PPP1R16B: variants seen among roughly 807,000 people sequenced by gnomAD.
The protein encoded by PPP1R16B is protein phosphatase 1 regulatory inhibitor subunit 16B.
Under a neutral mutation model 61.7 loss-of-function variants are expected in PPP1R16B, and 14 were observed. The observed-to-expected ratio is 0.23, with a 90% CI of 0.15 to 0.35. The LOEUF is 0.35. Among genes scored for constraint, PPP1R16B ranks in the 10% least tolerant of loss-of-function variants. The pLI, the probability that PPP1R16B is intolerant of heterozygous loss-of-function variation, is 1.00. For missense variants in PPP1R16B, 547 were observed against 752.5 expected (o/e 0.73, Z 3.19); for synonymous variants, 266 against 305.3 (o/e 0.87, Z 1.34).
At position 38,865,324 on chromosome 20, in the gene PPP1R16B, C is replaced by T. The variant is rs1221700160; in HGVS notation, c.251-24271C>T. 2.0e-5 allele frequency among the ~76,000 whole-genome samples: 3 copies of T among 151,434 alleles called. No homozygotes were observed. In the East Asian group the frequency reaches 5.8e-4, roughly 29 times the overall value. The stretch of plus-strand genomic sequence containing the variant: ...TTTTTTTTTGAGACGGAGTCTCACT[C>T]TGTCGCCCAGGCTGGAGTGCAGTGG... On this transcript the variant is annotated intron_variant, in intron 2 of 10. Coordinates refer to ENST00000299824, the MANE Select transcript of PPP1R16B (RefSeq NM_015568.4).
intron 2 of PPP1R16B, among the ~76,000 whole-genome samples, chr20:38,847,724 G>A (rs1264792379): frequency 6.6e-6 from 1 of 152,148 alleles, no homozygotes; most frequent in Non-Finnish European, 1.5e-5. Context: ...TTATGTTTGT[G>A]TGTGTGAGAG....
chr20:38,873,738 T>G (rs1158384793), intron 2 of PPP1R16B, among the ~76,000 whole-genome samples: 1 of 95,900 alleles, frequency 1.0e-5, no homozygotes, highest in Non-Finnish European at 2.3e-5. Context: ...AAACATCTTT[T>G]TTTTGTTTTT....
chr20:38,870,130 G>T (rs1033957410), intron 2 of PPP1R16B, among the ~76,000 whole-genome samples: 3 of 151,922 alleles, frequency 2.0e-5, no homozygotes, highest in African/African-American at 7.3e-5. Context: ...CACCATGTTG[G>T]CCAGGCTGGT....
chr20:38,883,787 A>G (rs1464074478), intron 2 of PPP1R16B, among the ~76,000 whole-genome samples: 1 of 152,140 alleles, frequency 6.6e-6, no homozygotes, highest in Non-Finnish European at 1.5e-5. Flanking sequence ...TCACTGGTTG[A>G]TTTTTGTTTT....
intron 2 of PPP1R16B, among the ~76,000 whole-genome samples, chr20:38,885,845 G>A (rs868076283): frequency 6.6e-6 from 1 of 152,040 alleles, no homozygotes. Context: ...GTGCAGTCTC[G>A]GCTCACTGCA....
At chr20:38,841,146 A>G (rs976437586) in intron 2 of PPP1R16B, among the ~76,000 whole-genome samples, 5 of 152,094 alleles carry the variant, frequency 3.3e-5, no homozygotes, top group African/African-American at 1.2e-4. Context: ...TTTACATATT[A>G]TAAAATTTGC....
At chr20:38,858,212 G>A (rs759253166) in intron 2 of PPP1R16B, among the ~76,000 whole-genome samples, 55 of 152,066 alleles carry the variant, frequency 3.6e-4, no homozygotes, top group Non-Finnish European at 2.8e-4. Context: ...ATAGGGCTTC[G>A]ATGTATGAAT....
At chr20:38,820,224 G>A (rs959762560) in intron 1 of PPP1R16B, among the ~76,000 whole-genome samples, 1 of 152,196 alleles carries the variant, frequency 6.6e-6, no homozygotes, top group Admixed American at 6.5e-5. Context: ...ATTAGAAATA[G>A]TGCAATTAAC....
At chr20:38,888,869 A>G (rs1281312729) in intron 2 of PPP1R16B, among the ~76,000 whole-genome samples, 7 of 129,004 alleles carry the variant, frequency 5.4e-5, no homozygotes, top group Non-Finnish European at 1.1e-4. Flanking sequence ...CCCACCCAGA[A>G]TCCCTGAACA....
rs2085455163 is a variant in PPP1R16B at position 38,907,655 on chromosome 20, T to G, written c.899-151T>G. 1 of 1,052,862 alleles carries G rather than the reference T, an allele frequency of 9.5e-7. No individual in the cohort carries two copies. Among genetic ancestry groups the G allele is most frequent in the East Asian group, 2.4e-5 (1 of 41,262 alleles). The allele number at this position is 1,052,862 out of a possible 1,614,324, so 65.2% of individuals were successfully genotyped here. On this transcript the variant is annotated intron_variant, in intron 8 of 10. Transcript: ENST00000299824. The surrounding 1 kb of genome is among the most constrained non-coding windows in gnomAD (Gnocchi z 4.5). ...TCTTATAAACACACTCACTCAACTT[T>G]GGCTGGCATTGTTTTCTTGCCTCCC... is the stretch of plus-strand genomic sequence containing the variant.
chr20:38,883,404 C>T (rs540898733), intron 2 of PPP1R16B, among the ~76,000 whole-genome samples: 1 of 152,364 alleles, frequency 6.6e-6, no homozygotes, highest in East Asian at 1.9e-4. Flanking sequence ...AGCTTCCTGC[C>T]GAGATGGGCC....
chr20:38,814,774 C>T (rs1049401078), intron 1 of PPP1R16B, among the ~76,000 whole-genome samples: 1 of 152,172 alleles, frequency 6.6e-6, no homozygotes, highest in South Asian at 2.1e-4. Context: ...CTGGAGAGTT[C>T]TCAGAATGTC....
rs1186033029 is a variant in PPP1R16B at position 38,921,155 on chromosome 20, A to T, written c.*2489A>T. On this transcript the variant is annotated 3_prime_UTR_variant, in exon 11 of 11. Coordinates refer to ENST00000299824, the MANE Select transcript of PPP1R16B (RefSeq NM_015568.4). ...CCTGACAGGAGCCGACTTCACACAC[A>T]GGTGACTCTCAGGCATTGGCTCATG... is the stretch of plus-strand genomic sequence containing the variant. 6.6e-6 allele frequency: 1 copy of T among 152,216 alleles called. No individual in the cohort carries two copies. The highest frequency in any genetic ancestry group is 1.9e-4 in the East Asian group (1 of 5,190). The allele number at this position is 152,216 out of a possible 1,614,324, so 9.4% of individuals were successfully genotyped here. A position where few individuals can be genotyped will look rare whatever the true frequency, so the allele number is the denominator to read the frequency against.
rs972450839 is a variant in PPP1R16B, at chr20:38,822,504, CTT to C, written c.-101-13300_-101-13299del. On this transcript the variant is annotated intron_variant, in intron 1 of 10. Coordinates refer to ENST00000299824, the MANE Select transcript of PPP1R16B (RefSeq NM_015568.4). ...TTGAACACATTTAGTGCCTTCCAAT[CTT>C]TTTTTTTTTTTTTTTTTTTTCTGTC... Among the ~76,000 whole-genome samples the C allele has an allele frequency of 1.2e-4, 12 of 104,194 alleles. No homozygotes were observed. In the East Asian group the frequency reaches 1.2e-3, roughly 10 times the overall value. The allele number at this position is 104,194 out of a possible 152,430, so 68.4% of individuals were successfully genotyped here.
chr20:38,879,259 G>A (rs1207260457), intron 2 of PPP1R16B, among the ~76,000 whole-genome samples: 1 of 152,136 alleles, frequency 6.6e-6, no homozygotes, highest in Admixed American at 6.5e-5. Context: ...GTAAGAGAAG[G>A]GGAAGGAAGG....
chr20:38,875,559 T>C (rs1402417405), intron 2 of PPP1R16B, among the ~76,000 whole-genome samples: 1 of 152,014 alleles, frequency 6.6e-6, no homozygotes, highest in Non-Finnish European at 1.5e-5. Flanking sequence ...GGGAACCGAG[T>C]CTGTATCAGA....
chr20:38,880,671 G>GA (rs2085197852), intron 2 of PPP1R16B, among the ~76,000 whole-genome samples: 1 of 151,834 alleles, frequency 6.6e-6, no homozygotes, highest in African/African-American at 2.4e-5. Context: ...GTCTCAAAAA[G>GA]AAAAAAATAC....
At chr20:38,859,630 T>C (rs897779226) in intron 2 of PPP1R16B, among the ~76,000 whole-genome samples, 50 of 152,202 alleles carry the variant, frequency 3.3e-4, no homozygotes, top group African/African-American at 1.0e-3. Flanking sequence ...TAGCTAGGAC[T>C]ACAGGCACAT....
intron 6 of PPP1R16B, 88 bp downstream of exon 6, chr20:38,902,880 G>C: frequency 6.3e-7 from 1 of 1,576,926 alleles, no homozygotes. Context: ...TACCCTTGGG[G>C]CCTGTCTGTG....
Sources: gnomAD v4.1 joint callset for allele counts (sites outside exome capture counted in the v4.1 genomes callset) on GRCh38, gnomAD v4.1.1 for gene constraint, Gnocchi (gnomAD v3.1) non-coding constraint, MANE v1.5 for transcripts, NCBI Gene and HGNC (gene_info 2026-07-23, HGNC 2026-07-21) for gene names.